GPR37: variants seen among roughly 807,000 people sequenced by gnomAD.
GPR37 encodes the protein prosaposin receptor GPR37.
A neutral mutation model predicts 43.6 loss-of-function variants in GPR37; 20 were observed. The ratio of observed to expected loss-of-function variants is 0.46; its 90% confidence interval spans 0.32 to 0.67. GPR37 has a LOEUF of 0.67. Ranked by LOEUF, GPR37 falls within the 30% of genes least tolerant of loss-of-function variation. GPR37 has a pLI of 0.03. For missense variants in GPR37, 724 were observed against 797.2 expected (o/e 0.91, Z 1.11); for synonymous variants, 315 against 322.6 (o/e 0.98, Z 0.25).
intron 1 of GPR37, among the ~76,000 whole-genome samples, chr7:124,761,001 C>CA (rs926310749): frequency 2.0e-4 from 30 of 151,512 alleles, no homozygotes; most frequent in African/African-American, 4.1e-4. Context: ...ACTAAAAATA[C>CA]AAAAAAAATT....
At chr7:124,761,548 C>A (rs1305955648) in intron 1 of GPR37, among the ~76,000 whole-genome samples, 1 of 152,328 alleles carries the variant, frequency 6.6e-6, no homozygotes, top group East Asian at 1.9e-4. Context: ...CCCAATCCTG[C>A]TTTCTTCTTT....
chr7:124,754,910 C>T (rs191689258), intron 1 of GPR37, among the ~76,000 whole-genome samples: 47 of 152,232 alleles, frequency 3.1e-4, no homozygotes, highest in African/African-American at 1.1e-3. Flanking sequence ...GTCCTTGCAG[C>T]ATTTCAGGGC....
At chr7:124,751,892 T>G (rs1049897784) in intron 1 of GPR37, among the ~76,000 whole-genome samples, 2 of 152,120 alleles carry the variant, frequency 1.3e-5, no homozygotes, top group Non-Finnish European at 2.9e-5. Context: ...AAAGCAGAAC[T>G]GTAAACACTT....
intron 1 of GPR37, among the ~76,000 whole-genome samples, chr7:124,757,367 G>A (rs1205793821): frequency 6.6e-6 from 1 of 152,054 alleles, no homozygotes; most frequent in Admixed American, 6.5e-5. Flanking sequence ...CCTAGGCACT[G>A]GCACAAATTC....
chr7:124,761,244 C>T (rs930081479), intron 1 of GPR37, among the ~76,000 whole-genome samples: 5 of 151,728 alleles, frequency 3.3e-5, no homozygotes, highest in African/African-American at 1.2e-4. Context: ...GAATGAAGCA[C>T]TGATTCCTCC....
chr7:124,756,677 A>C (rs1793794940), intron 1 of GPR37, among the ~76,000 whole-genome samples: 1 of 152,192 alleles, frequency 6.6e-6, no homozygotes, highest in Non-Finnish European at 1.5e-5. Context: ...ATTCATGGGA[A>C]GTGAAATGAC....
chr7:124,749,350 C>T (rs1793708021), intron 1 of GPR37, among the ~76,000 whole-genome samples: 2 of 152,042 alleles, frequency 1.3e-5, no homozygotes, highest in Admixed American at 1.3e-4. Flanking sequence ...AGCTTTTGCT[C>T]TCCCCTGCCT....
intron 1 of GPR37, among the ~76,000 whole-genome samples, chr7:124,763,317 G>A (rs1391608311): frequency 6.6e-6 from 1 of 152,124 alleles, no homozygotes; most frequent in Non-Finnish European, 1.5e-5. Context: ...TTAAGAAACC[G>A]AGATGGGAAA....
chr7:124,747,471 A>AGAG, intron 1 of GPR37, 128 bp from the exon 2 acceptor site: 2 of 632,276 alleles, frequency 3.2e-6, no homozygotes, highest in Non-Finnish European at 2.7e-6. Flanking sequence ...AGAGAGAGAG[A>AGAG]ACAGTTTTCC....
chr7:124,761,036 G>A (rs900513631), intron 1 of GPR37, among the ~76,000 whole-genome samples: 2 of 151,686 alleles, frequency 1.3e-5, no homozygotes, highest in South Asian at 2.1e-4. Flanking sequence ...ACACGCACCC[G>A]TAGTCCCAGT....
In GPR37 at chr7:124,765,026, C is replaced by T; in HGVS notation, c.-50G>A. On this transcript the variant is annotated 5_prime_UTR_variant, in exon 1 of 2. Transcript: ENST00000303921. ...GCCGCAGCTCCTGCTTAGTTAGGAT[C>T]GACACCTGCTGCCGAAGTTGCTGCT... 1 of 1,410,424 alleles carries T rather than the reference C, an allele frequency of 7.1e-7. No individual in the cohort carries two copies. The highest frequency in any genetic ancestry group is 9.2e-7 in the Non-Finnish European group (1 of 1,081,684). The allele number at this position is 1,410,424 out of a possible 1,614,324, so 87.4% of individuals were successfully genotyped here. A position where few individuals can be genotyped will look rare whatever the true frequency, so the allele number is the denominator to read the frequency against.
Position 124,764,558 on chromosome 7 carries a change from G to T in GPR37, c.419C>A (p.Thr140Lys). The T allele has an allele frequency of 6.2e-7, 1 of 1,613,148 alleles. No individual in the cohort carries two copies. Among genetic ancestry groups the T allele is most frequent in the South Asian group, 1.1e-5 (1 of 91,066 alleles). The stretch of plus-strand genomic sequence containing the variant: ...GATCTGAAGGAAGAGCTGGAGGGCC[G>T]TGGGGTTCCCTCTCCCCAAAGTTTC... ...PSETLGRGNP[T>K]ALQLFLQISE... Residue 140 changes from threonine to lysine, a missense_variant, in exon 1 of 2, where the codon ACG becomes AAG. Transcript: ENST00000303921. This position sits in a 1 kb window ranked among gnomAD's most constrained non-coding sequence, Gnocchi z 5.4.
rs1793665978 is a variant in GPR37 at position 124,745,999 on chromosome 7, G to T, written c.*526C>A. On this transcript the variant is annotated 3_prime_UTR_variant, in exon 2 of 2. Coordinates refer to ENST00000303921, the MANE Select transcript of GPR37 (RefSeq NM_005302.5). ...TAAATTGTGCATAGAACCAGTAATT[G>T]TATCTTTAAGGCAATTAGAAGATTT... 1 of 152,136 alleles carries T rather than the reference G, an allele frequency of 6.6e-6. No individual in the cohort carries two copies. Among genetic ancestry groups the T allele is most frequent in the Non-Finnish European group, 1.5e-5 (1 of 68,038 alleles). The allele number at this position is 152,136 out of a possible 1,614,324, so 9.4% of individuals were successfully genotyped here.
At chr7:124,749,197 T>G (rs976012382) in intron 1 of GPR37, among the ~76,000 whole-genome samples, 2 of 152,130 alleles carry the variant, frequency 1.3e-5, no homozygotes, top group African/African-American at 4.8e-5. Context: ...ATGTAATAAA[T>G]GTAGTCATTA....
chr7:124,753,873 G>T (rs1288849327), intron 1 of GPR37, among the ~76,000 whole-genome samples: 1 of 151,936 alleles, frequency 6.6e-6, no homozygotes, highest in East Asian at 1.9e-4. Flanking sequence ...CCAAATTTTG[G>T]TTCAGCACCT....
At chr7:124,752,274 A>G (rs1793742663) in intron 1 of GPR37, among the ~76,000 whole-genome samples, 1 of 152,124 alleles carries the variant, frequency 6.6e-6, no homozygotes, top group Admixed American at 6.6e-5. Context: ...CATTAGCACA[A>G]TGCTATATGT....
intron 1 of GPR37, among the ~76,000 whole-genome samples, chr7:124,759,189 C>G (rs1584726397): frequency 6.6e-6 from 1 of 151,884 alleles, no homozygotes; most frequent in African/African-American, 2.4e-5. Context: ...ACCCCAGCCT[C>G]CTGAATGGTT....
Position 124,764,192 on chromosome 7 carries a change from T to C in GPR37, c.785A>G (p.Tyr262Cys), listed in dbSNP as rs1793884195. The change falls in exon 1 of 2, where the codon TAC becomes TGC. Residue 262 changes from tyrosine (Y) to cysteine (C), a missense_variant. By Grantham distance (194) the Tyr-to-Cys change is radical (BLOSUM62 -2). This residue lies in a region of GPR37 where 382 missense variants were observed against 355.4 expected (regional missense o/e 1.07). Coordinates refer to ENST00000303921, the MANE Select transcript of GPR37 (RefSeq NM_005302.5). The surrounding 1 kb of genome is among the most constrained non-coding windows in gnomAD (Gnocchi z 5.4). The stretch of plus-strand genomic sequence containing the variant: ...CACCACGGACAGACACATGACCGCG[T>C]AGGCTCCATAGGACTCCTGGGTCAG... ...YPLTQESYGA[Y>C]AVMCLSVVIF... is the part of the protein sequence containing the mutation. 5 of 1,592,696 alleles carry C rather than the reference T, an allele frequency of 3.1e-6. No homozygotes were observed. The highest frequency in any genetic ancestry group is 4.3e-6 in the Non-Finnish European group (5 of 1,168,908).
chr7:124,755,109 CT>C (rs1793777464), intron 1 of GPR37, among the ~76,000 whole-genome samples: 1 of 152,238 alleles, frequency 6.6e-6, no homozygotes, highest in East Asian at 1.9e-4. Flanking sequence ...GAAGGAGAGA[CT>C]TTCCTCACCC....
Sources: gnomAD v4.1 joint callset for allele counts (sites outside exome capture counted in the v4.1 genomes callset) on GRCh38, gnomAD v4.1.1 for gene constraint, gnomAD v4.1.1 regional missense constraint, Gnocchi (gnomAD v3.1) non-coding constraint, MANE v1.5 for transcripts, NCBI Gene and HGNC (gene_info 2026-07-23, HGNC 2026-07-21) for gene names.